The following PLS3 variants were observed in gnomAD, a reference collection of about 807,000 sequenced individuals.
The protein encoded by PLS3 is plastin-3.
Under a neutral mutation model 46.5 loss-of-function variants are expected in PLS3, and 11 were observed. The observed-to-expected ratio is 0.24, with a 90% CI of 0.15 to 0.39. The LOEUF is 0.39. Among genes scored for constraint, PLS3 ranks in the 10% least tolerant of loss-of-function variants. The pLI is 1.00. For synonymous variants in PLS3, 167 were observed against 162.2 expected, an observed-to-expected ratio of 1.03 and a Z score of -0.22; for missense variants, 308 against 461.8, an observed-to-expected ratio of 0.67 and a Z score of 3.05.
At chrX:115,631,817 T>C (rs782487576) in intron 5 of PLS3, among the ~76,000 whole-genome samples, 13 of 111,491 alleles carry the variant, frequency 1.2e-4, no homozygotes, top group Admixed American at 4.8e-4. Context: ...TTTGTTTTTG[T>C]TTTTGAGATG....
chrX:115,633,925 ATATT>A lies in PLS3; in HGVS notation c.501-72_501-69del. 5 of 565,808 alleles carry A rather than the reference ATATT, an allele frequency of 8.8e-6. No homozygotes were observed. The South Asian group carries it at 1.3e-4, about 14-fold the overall frequency. The allele number at this position is 565,808 out of a possible 1,213,427, so 46.6% of individuals were successfully genotyped here. A position where few individuals can be genotyped will look rare whatever the true frequency, so the allele number is the denominator to read the frequency against. ...ATAGTAAGCTTTAAAATATTTGTAA[ATATT>A]TACAGCCACTTTATAAAAGGAAATC... On this transcript the variant is annotated intron_variant, in intron 5 of 15. Transcript: ENST00000355899.
intron 1 of PLS3, among the ~76,000 whole-genome samples, chrX:115,569,035 C>CAAAAAA (rs782042707): frequency 2.3e-4 from 22 of 94,258 alleles, no homozygotes; most frequent in African/African-American, 9.9e-4. Context: ...GACTCCGTTT[C>CAAAAAA]AAAAAAAAAA....
chrX:115,622,045 T>C, intron 2 of PLS3: 1 of 370,229 alleles, frequency 2.7e-6, no homozygotes, highest in Non-Finnish European at 4.6e-6. Flanking sequence ...ACACATTGCT[T>C]AAATCACAGG....
chrX:115,633,991 T>C lies in PLS3; in HGVS notation c.501-9T>C, dbSNP rs782660976. ...TTTACATCAGCCTTTTTTTAAATTT[T>C]TGTTTCAGTAAAATGATTAACCTTT... On this transcript the variant is annotated splice_polypyrimidine_tract_variant and intron_variant, in intron 5 of 15. Coordinates refer to ENST00000355899, the MANE Select transcript of PLS3 (RefSeq NM_005032.7). 1 of 1,020,214 alleles carries C rather than the reference T, an allele frequency of 9.8e-7. No individual in the cohort carries two copies. Among genetic ancestry groups the C allele is most frequent in the East Asian group, 3.0e-5 (1 of 32,982 alleles). 84.1% of individuals were successfully genotyped at this position (1,020,214 alleles called of 1,213,427 possible).
chrX:115,613,056 A>G (rs1322863760), intron 2 of PLS3, among the ~76,000 whole-genome samples: 1 of 112,068 alleles, frequency 8.9e-6, no homozygotes, highest in Non-Finnish European at 1.9e-5. Flanking sequence ...TAATCTTGCT[A>G]TGGAAACTAG....
At chrX:115,590,098 C>T (rs2074334959) in intron 1 of PLS3, among the ~76,000 whole-genome samples, 1 of 111,460 alleles carries the variant, frequency 9.0e-6, no homozygotes, top group Non-Finnish European at 1.9e-5. Context: ...TCAGGTGATC[C>T]GCCCACCTCA....
In PLS3 at chrX:115,650,405, TATG is replaced by T. The variant is rs2147597896; in HGVS notation, c.*847_*849del. On this transcript the variant is annotated 3_prime_UTR_variant, in exon 16 of 16. Transcript: ENST00000355899. ...TCTCTAAATTTAAAATGCTGTTGAA[TATG>T]ATACTTTTGAGGAGAGAGTGTGCTC... The T allele has an allele frequency of 8.9e-6, 1 of 112,456 alleles. No homozygotes were observed. The highest frequency in any genetic ancestry group is 3.2e-5 in the African/African-American group (1 of 30,992). The allele number at this position is 112,456 out of a possible 1,213,427, so 9.3% of individuals were successfully genotyped here.
At chrX:115,603,330 T>A (rs1556634871) in intron 1 of PLS3, among the ~76,000 whole-genome samples, 1 of 111,407 alleles carries the variant, frequency 9.0e-6, no homozygotes, top group Non-Finnish European at 1.9e-5. Flanking sequence ...CTCCCTTATT[T>A]GAAAATCTGT....
At chrX:115,638,638 T>G (rs1556640592) in intron 8 of PLS3, among the ~76,000 whole-genome samples, 1 of 112,655 alleles carries the variant, frequency 8.9e-6, no homozygotes, top group African/African-American at 3.2e-5. Flanking sequence ...ATATTTTAAA[T>G]GTAAAGAGAA....
intron 1 of PLS3, among the ~76,000 whole-genome samples, chrX:115,589,352 A>G (rs2074330424): frequency 8.9e-6 from 1 of 112,017 alleles, no homozygotes; most frequent in Non-Finnish European, 1.9e-5. Flanking sequence ...CTTGATTATT[A>G]AAATTGACAC....
intron 1 of PLS3, among the ~76,000 whole-genome samples, chrX:115,576,593 C>G (rs1203612228): frequency 9.0e-6 from 1 of 111,339 alleles, no homozygotes; most frequent in African/African-American, 3.3e-5. Flanking sequence ...TTCTTTTAAG[C>G]ACCCTTGACC....
At chrX:115,592,188 A>G (rs138084749) in intron 1 of PLS3, among the ~76,000 whole-genome samples, 13 of 111,813 alleles carry the variant, frequency 1.2e-4, no homozygotes, top group East Asian at 1.1e-3. Context: ...TAGAGTATCT[A>G]TTGTCTCACT....
At chrX:115,635,755 C>T (rs1369263922) in intron 7 of PLS3, among the ~76,000 whole-genome samples, 5 of 109,211 alleles carry the variant, frequency 4.6e-5, no homozygotes, top group Non-Finnish European at 3.8e-5. Context: ...TTTGGGAGGC[C>T]GAGACAGGTG....
At chrX:115,633,092 A>G (rs1482981739) in intron 5 of PLS3, among the ~76,000 whole-genome samples, 2 of 110,126 alleles carry the variant, frequency 1.8e-5, no homozygotes, top group Non-Finnish European at 3.8e-5. Context: ...ATGAGAAAAA[A>G]TTAAAAAAAA....
chrX:115,649,144 T>C (rs1407409735), intron 15 of PLS3, among the ~76,000 whole-genome samples: 1 of 111,760 alleles, frequency 8.9e-6, no homozygotes, highest in African/African-American at 3.3e-5. Context: ...GGTAATTATA[T>C]ATATAAAGTT....
intron 1 of PLS3, among the ~76,000 whole-genome samples, chrX:115,584,044 G>A (rs782272104): frequency 5.4e-5 from 6 of 111,930 alleles, no homozygotes; most frequent in African/African-American, 1.9e-4. Flanking sequence ...ATTAGAAGAT[G>A]TAACCACCAT....
intron 2 of PLS3, among the ~76,000 whole-genome samples, chrX:115,616,306 A>G (rs1399032416): frequency 8.9e-6 from 1 of 111,824 alleles, no homozygotes; most frequent in Non-Finnish European, 1.9e-5. Context: ...TCTTATTCTC[A>G]TTTTGCTTTT....
At chrX:115,640,357 A>T in intron 8 of PLS3, 51 bp from the exon 9 acceptor site, 1 of 809,066 alleles carries the variant, frequency 1.2e-6, no homozygotes, top group Non-Finnish European at 1.9e-6. Flanking sequence ...ACAATAGGAT[A>T]CATTCATTCC....
At position 115,650,374 on chromosome X, in the gene PLS3, ACT is replaced by A. The variant is rs1468731383; in HGVS notation, c.*822_*823del. The A allele has an allele frequency of 1.8e-5, 2 of 111,220 alleles. No individual in the cohort carries two copies. The highest frequency in any genetic ancestry group is 3.8e-5 in the Non-Finnish European group (2 of 52,934). 9.2% of individuals were successfully genotyped at this position (111,220 alleles called of 1,213,427 possible). A position where few individuals can be genotyped will look rare whatever the true frequency, so the allele number is the denominator to read the frequency against. On this transcript the variant is annotated 3_prime_UTR_variant, in exon 16 of 16. Transcript: ENST00000355899. ...TTTGTTTTAAAACCTGTATCATCAAACTCTCTCTCTAAATTTAAAATGCTGTT... is the reference window on the plus strand; with the variant it reads ...TTTGTTTTAAAACCTGTATCATCAAACTCTCTCTAAATTTAAAATGCTGTT...
Sources: gnomAD v4.1 joint callset for allele counts (sites outside exome capture counted in the v4.1 genomes callset) on GRCh38, gnomAD v4.1.1 for gene constraint, MANE v1.5 for transcripts, NCBI Gene and HGNC (gene_info 2026-07-23, HGNC 2026-07-21) for gene names.